DCAF5: variants seen among roughly 807,000 people sequenced by gnomAD.
DCAF5 encodes the protein DDB1 and CUL4 associated factor 5, also known as DDB1- and CUL4-associated factor 5.
DCAF5 carries 9 observed loss-of-function variants against 80.7 expected under a neutral mutation model. The observed-to-expected ratio is 0.11, with a 90% CI of 0.07 to 0.19. The LOEUF is 0.19. DCAF5 is among the 10% of genes least tolerant of loss of function. The pLI is 1.00. For missense variants in DCAF5, 842 were observed against 1,205.7 expected (o/e 0.70, Z 4.47); for synonymous variants, 433 against 461.9 (o/e 0.94, Z 0.80).
At chr14:69,058,537 C>CATAT (rs60478675) in intron 8 of DCAF5, among the ~76,000 whole-genome samples, 113 of 148,582 alleles carry the variant, frequency 7.6e-4, no homozygotes, top group East Asian at 3.8e-3. Context: ...AAAAAAAATA[C>CATAT]ATATATATAT....
Position 69,091,768 on chromosome 14 carries a change from A to G in DCAF5, c.785T>C (p.Ile262Thr). The change falls in exon 6 of 9, where the codon ATC becomes ACC. Residue 262 changes from isoleucine (I) to threonine (T), a missense_variant. Transcript: ENST00000341516. ...RRRLPPVLYDIHSRLPVFQFD... is the reference protein window; with the variant it reads ...RRRLPPVLYDTHSRLPVFQFD... ...CTGAAACACAGGCAGGCGGGAATGG[A>G]TGTCATAGAGCACAGGGGGCAGGCG... 1 of 1,614,170 alleles carries G rather than the reference A, an allele frequency of 6.2e-7. No homozygotes were observed. Among genetic ancestry groups the G allele is most frequent in the Non-Finnish European group, 8.5e-7 (1 of 1,180,008 alleles).
chr14:69,145,919 T>C (rs536431730), intron 1 of DCAF5, among the ~76,000 whole-genome samples: 1 of 152,256 alleles, frequency 6.6e-6, no homozygotes, highest in East Asian at 1.9e-4. Context: ...TATAAACTTA[T>C]GCTCTCTTTG....
At chr14:69,071,885 A>T (rs927334487) in intron 7 of DCAF5, among the ~76,000 whole-genome samples, 1 of 152,240 alleles carries the variant, frequency 6.6e-6, no homozygotes, top group Non-Finnish European at 1.5e-5. Flanking sequence ...AGAGGTACCA[A>T]ATAGTCCTGA....
At chr14:69,084,681 G>T (rs778019503) in intron 6 of DCAF5, 200 of 1,253,686 alleles carry the variant, frequency 1.6e-4, no homozygotes, top group Non-Finnish European at 2.1e-4. Flanking sequence ...TTTTCATCTT[G>T]TATGTCCGTG....
At chr14:69,122,463 C>A in intron 1 of DCAF5, 103 bp from the exon 2 acceptor site, 2 of 1,265,450 alleles carry the variant, frequency 1.6e-6, no homozygotes, top group Non-Finnish European at 2.2e-6. Flanking sequence ...ACTGCACCTC[C>A]CCAACTCCAT....
intron 8 of DCAF5, among the ~76,000 whole-genome samples, chr14:69,060,554 CAG>C (rs1479553772): frequency 6.6e-6 from 1 of 151,140 alleles, no homozygotes; most frequent in Admixed American, 6.6e-5. Context: ...TTTTTGGAGA[CAG>C]AGTCTCGCTT....
At chr14:69,085,361 C>A in intron 6 of DCAF5, 1 of 638,666 alleles carries the variant, frequency 1.6e-6, no homozygotes, top group Non-Finnish European at 3.0e-6. Flanking sequence ...AGCAAGCAAA[C>A]ATCCAACCGC....
intron 1 of DCAF5, among the ~76,000 whole-genome samples, chr14:69,137,125 G>C (rs1335017486): frequency 6.6e-6 from 1 of 152,154 alleles, no homozygotes; most frequent in African/African-American, 2.4e-5. Context: ...GGCCTATCTT[G>C]TAAGTACCAT....
chr14:69,091,784 G>C lies in DCAF5; in HGVS notation c.769C>G (p.Pro257Ala). Residue 257 changes from proline (P) to alanine (A), a missense_variant, in exon 6 of 9, where the codon CCT (proline) becomes GCT (alanine). Coordinates refer to ENST00000341516, the MANE Select transcript of DCAF5 (RefSeq NM_003861.3). The stretch of plus-strand genomic sequence containing the variant: ...CGGGAATGGATGTCATAGAGCACAG[G>C]GGGCAGGCGTCGCCTCAGGGCCAGG... ...QLLALRRRLP[P>A]VLYDIHSRLP... is the part of the protein sequence containing the mutation. The C allele has an allele frequency of 6.2e-7, 1 of 1,614,124 alleles. No individual in the cohort carries two copies. Among genetic ancestry groups the C allele is most frequent in the Non-Finnish European group, 8.5e-7 (1 of 1,180,008 alleles).
At chr14:69,119,028 A>G in intron 3 of DCAF5, 166 bp downstream of exon 3, 1 of 641,126 alleles carries the variant, frequency 1.6e-6, no homozygotes, top group Non-Finnish European at 2.5e-6. Flanking sequence ...TTTTAAATCA[A>G]AACTTTATTT....
At chr14:69,102,589 A>C (rs376965558) in intron 5 of DCAF5, among the ~76,000 whole-genome samples, 2 of 33,602 alleles carry the variant, frequency 6.0e-5, no homozygotes, top group Non-Finnish European at 1.8e-4. Context: ...GTTAAAAACA[A>C]AGACACACAC....
At chr14:69,106,047 G>GT (rs1296070921) in intron 5 of DCAF5, among the ~76,000 whole-genome samples, 1 of 149,672 alleles carries the variant, frequency 6.7e-6, no homozygotes, top group African/African-American at 2.4e-5. Flanking sequence ...GCTTTTATCT[G>GT]TTTTTTGTTT....
intron 6 of DCAF5, among the ~76,000 whole-genome samples, chr14:69,083,102 T>C (rs1278395124): frequency 6.6e-6 from 1 of 152,190 alleles, no homozygotes; most frequent in African/African-American, 2.4e-5. Context: ...AGCTTTTAAG[T>C]TCTAAAATTG....
chr14:69,053,645 C>T lies in DCAF5; in HGVS notation c.*212G>A, dbSNP rs2037833006. ...GAGTCACTTGGGTTATTTTTTTTTC[C>T]CCTTTCTTAACACAGCACAAGCCAA... On this transcript the variant is annotated 3_prime_UTR_variant, in exon 9 of 9. Coordinates refer to ENST00000341516, the MANE Select transcript of DCAF5 (RefSeq NM_003861.3). The T allele has an allele frequency of 4.7e-6, 2 of 426,812 alleles. No homozygotes were observed. Among genetic ancestry groups the T allele is most frequent in the South Asian group, 3.0e-5 (1 of 33,070 alleles). The allele number at this position is 426,812 out of a possible 1,614,324, so 26.4% of individuals were successfully genotyped here.
chr14:69,054,997 G>C lies in DCAF5; in HGVS notation c.1689C>G (p.Ser563Arg). The C allele has an allele frequency of 6.2e-7, 1 of 1,614,254 alleles. No individual in the cohort carries two copies. The highest frequency in any genetic ancestry group is 1.3e-5 in the African/African-American group (1 of 75,076). ...CCTCATCCTCAGAGCTGCTAGAGCTGCTGGAACTGCTGGATTCATCTTCGG... is the reference window on the plus strand; with the variant it reads ...CCTCATCCTCAGAGCTGCTAGAGCTCCTGGAACTGCTGGATTCATCTTCGG... ...PSPEDESSSS[S>R]SSSSSEDEEE... Residue 563 changes from serine to arginine, a missense_variant, in exon 9 of 9, where the codon AGC (serine) becomes AGG (arginine). This residue lies in a region of DCAF5 where 607 missense variants were observed against 656.6 expected (regional missense o/e 0.92). Transcript: ENST00000341516.
intron 6 of DCAF5, among the ~76,000 whole-genome samples, chr14:69,076,808 A>T (rs1206895207): frequency 6.6e-6 from 1 of 152,248 alleles, no homozygotes; most frequent in African/African-American, 2.4e-5. Flanking sequence ...CACAATTAAA[A>T]AAAAATTTTA....
At chr14:69,099,167 G>A (rs140388397) in intron 5 of DCAF5, among the ~76,000 whole-genome samples, 5 of 150,786 alleles carry the variant, frequency 3.3e-5, no homozygotes, top group Middle Eastern at 3.4e-3. Context: ...CAAAAGAATC[G>A]CTTGAACCTG....
rs1285386028 is a variant in DCAF5 at position 69,051,791 on chromosome 14, G to T, written c.*2066C>A. 3 of 152,504 alleles carry T rather than the reference G, an allele frequency of 2.0e-5. No individual in the cohort carries two copies. Among genetic ancestry groups the T allele is most frequent in the Admixed American group, 1.3e-4 (2 of 15,270 alleles). The allele number at this position is 152,504 out of a possible 1,614,324, so 9.4% of individuals were successfully genotyped here. A position where few individuals can be genotyped will look rare whatever the true frequency, so the allele number is the denominator to read the frequency against. On this transcript the variant is annotated 3_prime_UTR_variant, in exon 9 of 9. Coordinates refer to ENST00000341516, the MANE Select transcript of DCAF5 (RefSeq NM_003861.3). ...TTATTAAAATAAAATAAATAGAATA[G>T]AATAAAATAAAGGACTGGGTGTGCT... is the stretch of plus-strand genomic sequence containing the variant.
intron 1 of DCAF5, among the ~76,000 whole-genome samples, chr14:69,139,287 A>T (rs915713328): frequency 6.6e-6 from 1 of 150,888 alleles, no homozygotes; most frequent in African/African-American, 2.4e-5. Flanking sequence ...GGAGTTCAAG[A>T]CCAGCCTGGG....
Sources: gnomAD v4.1 joint callset for allele counts (sites outside exome capture counted in the v4.1 genomes callset) on GRCh38, gnomAD v4.1.1 for gene constraint, gnomAD v4.1.1 regional missense constraint, MANE v1.5 for transcripts, NCBI Gene and HGNC (gene_info 2026-07-23, HGNC 2026-07-21) for gene names.